The following FRAS1 variants were observed in gnomAD, a reference collection of about 807,000 sequenced individuals.
FRAS1 encodes extracellular matrix organizing protein FRAS1.
In FRAS1, 290 loss-of-function variants were observed where a neutral mutation model predicts 435.2. The observed-to-expected ratio is 0.67, with a 90% CI of 0.61 to 0.73. The LOEUF is 0.73. Ranked by LOEUF, FRAS1 falls within the 30% of genes least tolerant of loss-of-function variation. The pLI is 0.00. For synonymous variants in FRAS1, 1,800 were observed against 1,851.0 expected (o/e 0.97, Z 0.71); for missense variants, 4,860 against 5,001.5 (o/e 0.97, Z 0.85).
intron 9 of FRAS1, among the ~76,000 whole-genome samples, chr4:78,270,963 C>A (rs1417413169): frequency 2.6e-5 from 4 of 152,168 alleles, no homozygotes; most frequent in African/African-American, 9.6e-5. Flanking sequence ...TTTGTGTTTC[C>A]TCTAAGCGTT....
intron 20 of FRAS1, among the ~76,000 whole-genome samples, chr4:78,358,445 G>A (rs998054604): frequency 1.6e-4 from 25 of 152,084 alleles, no homozygotes; most frequent in Non-Finnish European, 3.2e-4. Flanking sequence ...TTTCATGCTT[G>A]TAGTGGTTAA....
rs80350089 is a variant in FRAS1 at position 78,534,092 on chromosome 4, C to T, written c.10926-357C>T. 9.4e-3 allele frequency among the ~76,000 whole-genome samples: 1,423 copies of T among 152,188 alleles called. 23 individuals carry two copies. The highest frequency in any genetic ancestry group is 0.032 in the African/African-American group (1,328 of 41,520). On this transcript the variant is annotated intron_variant, in intron 70 of 73. Coordinates refer to ENST00000512123, the MANE Select transcript of FRAS1 (RefSeq NM_025074.7). ...TTTGATCAGGTTGAAAGAGTCAAAGCCTCAGAGCATGCAGCTCTGGGAAGA... is the reference window on the plus strand; with the variant it reads ...TTTGATCAGGTTGAAAGAGTCAAAGTCTCAGAGCATGCAGCTCTGGGAAGA...
At position 78,499,749 on chromosome 4, in the gene FRAS1, A is replaced by G. The variant is rs750565377; in HGVS notation, c.9144A>G (p.Ala3048=). 2.5e-6 allele frequency: 4 copies of G among 1,613,928 alleles called. No homozygotes were observed. In the East Asian group the frequency reaches 8.9e-5, roughly 36 times the overall value. Residue 3048 remains alanine (A), a synonymous_variant, in exon 61 of 74, where the codon GCA becomes GCG. Coordinates refer to ENST00000512123, the MANE Select transcript of FRAS1 (RefSeq NM_025074.7). ...CCACCATTGAGTTTGAAGAAGCTGC[A>G]TACCAAGTCCGGGAACCCGCAGGCC... is the stretch of plus-strand genomic sequence containing the variant. ...DAPTIEFEEA[A]YQVREPAGPD... is the part of the protein sequence containing the mutation.
chr4:78,150,359 GC>G (rs1353944004), intron 2 of FRAS1, among the ~76,000 whole-genome samples: 1 of 152,140 alleles, frequency 6.6e-6, no homozygotes, highest in African/African-American at 2.4e-5. Context: ...TAAAAGTGGA[GC>G]TTTTTGGTCC....
rs1718911537 is a variant in FRAS1 at position 78,448,157 on chromosome 4, G to T, written c.6115G>T (p.Gly2039Trp). The T allele has an allele frequency of 1.9e-6, 3 of 1,613,748 alleles. No homozygotes were observed. The highest frequency in any genetic ancestry group is 2.5e-6 in the Non-Finnish European group (3 of 1,179,848). The change falls in exon 44 of 74, where the codon GGG becomes TGG. Residue 2039 changes from glycine (G) to tryptophan (W), a missense_variant. Physicochemically the swap from Gly to Trp is radical, Grantham distance 184. Transcript: ENST00000512123. ...CCAGGATATCCTAGCTGGGCTGGTT[G>T]GGTATGTGCCTAGTGTCCCTGGCAT... The part of the protein sequence containing the change: ...TYQDILAGLV[G>W]YVPSVPGMVV...
At chr4:78,161,643 T>A (rs1721140081) in intron 2 of FRAS1, among the ~76,000 whole-genome samples, 1 of 149,742 alleles carries the variant, frequency 6.7e-6, no homozygotes, top group Non-Finnish European at 1.5e-5. Context: ...TGGGAGTGTG[T>A]TGGGCATGCC....
intron 25 of FRAS1, among the ~76,000 whole-genome samples, chr4:78,375,423 G>A (rs1039931099): frequency 2.0e-5 from 3 of 152,252 alleles, no homozygotes; most frequent in Non-Finnish European, 4.4e-5. Context: ...GGGAAGGTTA[G>A]AGGAGGAAGC....
Position 78,451,854 on chromosome 4 carries a change from C to T in FRAS1, c.6546C>T (p.Asn2182=). Residue 2182 remains asparagine, a synonymous_variant, in exon 46 of 74, where the codon AAC becomes AAT. Coordinates refer to ENST00000512123, the MANE Select transcript of FRAS1 (RefSeq NM_025074.7). The part of the protein sequence containing the change: ...FKFDVVDGEG[N]RLIDKSFSIS... ...TTGATGTGGTTGATGGAGAAGGCAACAGATTGATTGACAAGTCATTTTCCA... is the reference window on the plus strand; with the variant it reads ...TTGATGTGGTTGATGGAGAAGGCAATAGATTGATTGACAAGTCATTTTCCA... The T allele has an allele frequency of 1.2e-6, 2 of 1,613,066 alleles. No homozygotes were observed. The highest frequency in any genetic ancestry group is 1.7e-6 in the Non-Finnish European group (2 of 1,179,448).
chr4:78,095,452 T>C (rs775133403), intron 2 of FRAS1, among the ~76,000 whole-genome samples: 5 of 152,226 alleles, frequency 3.3e-5, no homozygotes, highest in Admixed American at 6.5e-5. Flanking sequence ...AGCAGAGGAT[T>C]ATTCTGGGCT....
chr4:78,312,391 C>T (rs1031614197), intron 15 of FRAS1, among the ~76,000 whole-genome samples: 1 of 151,820 alleles, frequency 6.6e-6, no homozygotes, highest in African/African-American at 2.4e-5. Flanking sequence ...TGTTCTTGTA[C>T]CACTATCAAA....
At chr4:78,447,877 CACA>C (rs1718902532) in intron 43 of FRAS1, among the ~76,000 whole-genome samples, 173 bp from the exon 44 acceptor site, 1 of 152,050 alleles carries the variant, frequency 6.6e-6, no homozygotes. Context: ...TGTATGAGGC[CACA>C]GAGCAGCACC....
At position 78,379,876 on chromosome 4, in the gene FRAS1, A is replaced by G. The variant is rs775516850; in HGVS notation, c.3443A>G (p.Asn1148Ser). Residue 1148 changes from asparagine (N) to serine (S), a missense_variant, in exon 27 of 74, where the codon AAT becomes AGT. Asn to Ser is a conservative substitution (Grantham distance 46, BLOSUM62 1). Coordinates refer to ENST00000512123, the MANE Select transcript of FRAS1 (RefSeq NM_025074.7). ...LLFHVVSTPT[N>S]GQLVLSRNGK... ...TTTCATGTTGTGAGCACTCCCACCAATGGTCAGCTAGTGCTCTCAAGAAAT... is the reference window on the plus strand; with the variant it reads ...TTTCATGTTGTGAGCACTCCCACCAGTGGTCAGCTAGTGCTCTCAAGAAAT... 1.3e-5 allele frequency: 21 copies of G among 1,613,806 alleles called. No homozygotes were observed. Among genetic ancestry groups the G allele is most frequent in the Admixed American group, 3.3e-5 (2 of 59,984 alleles).
In FRAS1 at chr4:78,131,636, T is replaced by C. The variant is rs568070970; in HGVS notation, c.108+65620T>C. On this transcript the variant is annotated intron_variant, in intron 2 of 73. Transcript: ENST00000512123. ...AATTTGTGCCACTTGGAGAAGAAGA[T>C]GATATGTTAGTGTTAGGAGGGTGTG... Among the ~76,000 whole-genome samples the C allele has an allele frequency of 3.6e-4, 54 of 150,734 alleles. 1 individual carries two copies. The highest frequency in any genetic ancestry group is 3.4e-3 in the Middle Eastern group (1 of 294).
intron 2 of FRAS1, among the ~76,000 whole-genome samples, chr4:78,207,348 AC>A (rs1379235511): frequency 6.6e-6 from 1 of 152,248 alleles, no homozygotes; most frequent in Non-Finnish European, 1.5e-5. Flanking sequence ...ACCTGTGATT[AC>A]TTTTAAATTG....
chr4:78,132,465 AG>A (rs1183543386), intron 2 of FRAS1, among the ~76,000 whole-genome samples: 3 of 152,242 alleles, frequency 2.0e-5, no homozygotes, highest in African/African-American at 7.2e-5. Context: ...CATAGTGAAT[AG>A]TTACAAAATG....
chr4:78,256,685 T>C (rs910101810), intron 6 of FRAS1, among the ~76,000 whole-genome samples: 7 of 152,226 alleles, frequency 4.6e-5, no homozygotes, highest in Non-Finnish European at 8.8e-5. Context: ...ACAGTTTGTA[T>C]TGATATACAT....
chr4:78,360,734 G>A (rs1731044197), intron 20 of FRAS1, among the ~76,000 whole-genome samples: 1 of 152,022 alleles, frequency 6.6e-6, no homozygotes, highest in African/African-American at 2.4e-5. Context: ...GAGGGGGAAG[G>A]AATGTCCATA....
intron 2 of FRAS1, among the ~76,000 whole-genome samples, chr4:78,115,616 T>C (rs1743109393): frequency 6.6e-6 from 1 of 152,222 alleles, no homozygotes; most frequent in African/African-American, 2.4e-5. Context: ...TTTGTTTGTG[T>C]AGAGGTGTTT....
rs1414876651 is a variant in FRAS1, at chr4:78,543,165, C to T, written c.*2041C>T. On this transcript the variant is annotated 3_prime_UTR_variant, in exon 74 of 74. Coordinates refer to ENST00000512123, the MANE Select transcript of FRAS1 (RefSeq NM_025074.7). ...GCTTGGGCAATTCAGGGCAGAACTC[C>T]TGTATCAGCCTCATGGACACCCAGA... 1 of 152,200 alleles carries T rather than the reference C, an allele frequency of 6.6e-6. No homozygotes were observed. Among genetic ancestry groups the T allele is most frequent in the Non-Finnish European group, 1.5e-5 (1 of 68,058 alleles). The allele number at this position is 152,200 out of a possible 1,614,324, so 9.4% of individuals were successfully genotyped here.
Sources: allele counts gnomAD v4.1 joint callset (sites outside exome capture counted in the v4.1 genomes callset), GRCh38; gene constraint gnomAD v4.1.1; transcripts MANE v1.5; gene names NCBI Gene and HGNC (gene_info 2026-07-23, HGNC 2026-07-21).